Variants in FNDC1 observed in about 807,000 individuals in gnomAD.
FNDC1 encodes fibronectin type III domain containing 1, also known as fibronectin type III domain-containing protein 1.
Under a neutral mutation model 168.0 loss-of-function variants are expected in FNDC1, and 96 were observed. That is an observed-to-expected ratio of 0.57 (90% CI 0.48 to 0.68). The LOEUF is 0.68. Ranked by LOEUF, FNDC1 falls within the 30% of genes least tolerant of loss-of-function variation. FNDC1 has a pLI of 0.00. For missense variants in FNDC1, 2,587 were observed against 2,482.1 expected, an observed-to-expected ratio of 1.04 and a Z score of -0.90; for synonymous variants, 1,099 against 1,025.9, an observed-to-expected ratio of 1.07 and a Z score of -1.36.
rs1783348787 is a variant in FNDC1, at chr6:159,239,405, A to G, written c.4181-112A>G. On this transcript the variant is annotated intron_variant, in intron 13 of 22. Coordinates refer to ENST00000297267, the MANE Select transcript of FNDC1 (RefSeq NM_032532.3). ...ATATTCATTTATCCCTTTGCCTTTT[A>G]CTGATTAAAACATGATAATACATAA... 3 of 929,616 alleles carry G rather than the reference A, an allele frequency of 3.2e-6. No homozygotes were observed. In the Admixed American group the frequency reaches 8.7e-5, roughly 27 times the overall value. 57.6% of individuals were successfully genotyped at this position (929,616 alleles called of 1,614,324 possible). A position where few individuals can be genotyped will look rare whatever the true frequency, so the allele number is the denominator to read the frequency against.
chr6:159,232,362 C>A lies in FNDC1; in HGVS notation c.1850C>A (p.Ser617Ter). Residue 617 changes from serine to a stop codon, truncating the protein, a stop_gained, in exon 11 of 23, where the codon TCG (serine) becomes TAG (stop). Coordinates refer to ENST00000297267, the MANE Select transcript of FNDC1 (RefSeq NM_032532.3). LOFTEE classifies it high-confidence loss of function. The surrounding 1 kb of genome is among the most constrained non-coding windows in gnomAD (Gnocchi z 4.9). ...CGCCCAGGGGCGCCCCCCTCGGCTTCGGCCTCTCCTGCCCACCACGCGTCC... is the reference window on the plus strand; with the variant it reads ...CGCCCAGGGGCGCCCCCCTCGGCTTAGGCCTCTCCTGCCCACCACGCGTCC... The part of the protein sequence containing the change: ...QPRPGAPPSA[S>*]ASPAHHASTQ... The A allele has an allele frequency of 6.2e-7, 1 of 1,613,608 alleles. No homozygotes were observed.
At chr6:159,210,141 T>C (rs1191667128) in intron 4 of FNDC1, among the ~76,000 whole-genome samples, 1 of 152,230 alleles carries the variant, frequency 6.6e-6, no homozygotes, top group African/African-American at 2.4e-5. Context: ...GTCCTGGTGC[T>C]GCCCACCACA....
chr6:159,197,284 T>C, intron 1 of FNDC1, 147 bp from the exon 2 acceptor site: 2 of 734,928 alleles, frequency 2.7e-6, no homozygotes, highest in Non-Finnish European at 4.4e-6. Flanking sequence ...TGTAATGCTG[T>C]GCAAATACAT....
intron 1 of FNDC1, among the ~76,000 whole-genome samples, chr6:159,189,503 A>G (rs983931593): frequency 1.3e-5 from 2 of 152,188 alleles, no homozygotes; most frequent in Non-Finnish European, 2.9e-5. Context: ...TGGCTTCCTT[A>G]TAGAGATTGT....
chr6:159,177,999 T>C (rs1022072042), intron 1 of FNDC1, among the ~76,000 whole-genome samples: 4 of 152,296 alleles, frequency 2.6e-5, no homozygotes, highest in South Asian at 2.1e-4. Flanking sequence ...ATAAGAAGGA[T>C]GAATGTTGTC....
rs1204569572 is a variant in FNDC1 at position 159,215,143 on chromosome 6, AAAAG to A, written c.660_663del (p.Lys220AsnfsTer2). On this transcript the variant is annotated frameshift_variant, in exon 5 of 23. Transcript: ENST00000297267. LOFTEE classifies it high-confidence loss of function. ...AGAGATGAACGGACACACGAAATTAAAAAGCTAGGTGAGTTTCATATTCATTGGT... is the reference window on the plus strand; with the variant it reads ...AGAGATGAACGGACACACGAAATTAACTAGGTGAGTTTCATATTCATTGGT... 6.2e-7 allele frequency: 1 copy of A among 1,613,624 alleles called. No homozygotes were observed. Among genetic ancestry groups the A allele is most frequent in the Admixed American group, 1.7e-5 (1 of 60,024 alleles).
In FNDC1 at chr6:159,266,387, A is replaced by G. The variant is rs987520304; in HGVS notation, c.5446+142A>G. 11 of 854,808 alleles carry G rather than the reference A, an allele frequency of 1.3e-5. No homozygotes were observed. In the East Asian group the frequency reaches 2.2e-4, roughly 17 times the overall value. 53.0% of individuals were successfully genotyped at this position (854,808 alleles called of 1,614,324 possible). ...CTCACTCTGCCTCTAATACAAACCA[A>G]TTTTACAGATTCTACTTTGAGGATA... On this transcript the variant is annotated intron_variant, in intron 21 of 22. Coordinates refer to ENST00000297267, the MANE Select transcript of FNDC1 (RefSeq NM_032532.3).
chr6:159,211,423 A>G (rs559516725), intron 4 of FNDC1, among the ~76,000 whole-genome samples: 1 of 152,318 alleles, frequency 6.6e-6, no homozygotes, highest in South Asian at 2.1e-4. Flanking sequence ...AGGGATTTCG[A>G]GTGACTGATA....
intron 5 of FNDC1, among the ~76,000 whole-genome samples, chr6:159,218,039 TAG>T (rs141852564): frequency 0.015 from 2,249 of 152,256 alleles, 27 homozygotes; most frequent in Middle Eastern, 0.051. Flanking sequence ...AGCAGGGAAA[TAG>T]AGTCCCTGGT....
At chr6:159,197,828 C>T (rs796502568) in intron 2 of FNDC1, among the ~76,000 whole-genome samples, 1 of 152,342 alleles carries the variant, frequency 6.6e-6, no homozygotes, top group African/African-American at 2.4e-5. Flanking sequence ...CTTCCCCATC[C>T]GTGCATGTGA....
intron 20 of FNDC1, 79 bp downstream of exon 20, chr6:159,265,083 C>A: frequency 7.9e-7 from 1 of 1,270,966 alleles, no homozygotes; most frequent in Non-Finnish European, 1.1e-6. Context: ...TGATTACTCA[C>A]AATTAGAAAG....
intron 1 of FNDC1, among the ~76,000 whole-genome samples, chr6:159,175,584 T>C (rs1384085470): frequency 2.0e-5 from 3 of 152,230 alleles, no homozygotes; most frequent in Admixed American, 2.0e-4. Context: ...TACTGAAATG[T>C]GTTGAACTCC....
chr6:159,232,189 C>G lies in FNDC1; in HGVS notation c.1677C>G (p.Thr559=). Residue 559 remains threonine, a synonymous_variant, in exon 11 of 23, where the codon ACC becomes ACG. Coordinates refer to ENST00000297267, the MANE Select transcript of FNDC1 (RefSeq NM_032532.3). The surrounding 1 kb of genome is among the most constrained non-coding windows in gnomAD (Gnocchi z 4.9). ...REDSPMSPSD[T]QDQKRTLRPP... is the part of the protein sequence containing the mutation. ...ACTCGCCCATGTCACCCTCAGACACCCAAGACCAGAAACGGACCCTGAGGC... is the reference window on the plus strand; with the variant it reads ...ACTCGCCCATGTCACCCTCAGACACGCAAGACCAGAAACGGACCCTGAGGC... 6.2e-7 allele frequency: 1 copy of G among 1,613,746 alleles called. No homozygotes were observed. Among genetic ancestry groups the G allele is most frequent in the South Asian group, 1.1e-5 (1 of 91,028 alleles).
At chr6:159,269,254 TATC>T (rs1399014792) in intron 22 of FNDC1, among the ~76,000 whole-genome samples, 8,101 of 98,642 alleles carry the variant, frequency 0.082, 722 homozygotes, top group East Asian at 0.18. Flanking sequence ...TCTATCCATC[TATC>T]ATCTATCTAT....
chr6:159,197,282 T>C, intron 1 of FNDC1, 149 bp from the exon 2 acceptor site: 1 of 713,644 alleles, frequency 1.4e-6, no homozygotes. Context: ...ACTGTAATGC[T>C]GTGCAAATAC....
At chr6:159,259,385 G>A (rs1431989318) in intron 18 of FNDC1, among the ~76,000 whole-genome samples, 5 of 152,166 alleles carry the variant, frequency 3.3e-5, no homozygotes, top group African/African-American at 4.8e-5. Flanking sequence ...TGTCAACAGG[G>A]AAGGTGGATT....
In FNDC1 at chr6:159,192,865, T is replaced by A. The variant is rs1782168725; in HGVS notation, c.110-4566T>A. ...GGTCTCTAGAGGGAGGGAGGGGAGG[T>A]CTGGGGGTGTGATGTGATTCCTTGG... On this transcript the variant is annotated intron_variant, in intron 1 of 22. Transcript: ENST00000297267. 2.6e-5 allele frequency among the ~76,000 whole-genome samples: 4 copies of A among 151,444 alleles called. No individual in the cohort carries two copies. In the South Asian group the frequency reaches 8.4e-4, roughly 32 times the overall value.
intron 22 of FNDC1, 62 bp downstream of exon 22, chr6:159,267,988 G>T (rs561399894): frequency 6.5e-7 from 1 of 1,545,646 alleles, no homozygotes; most frequent in East Asian, 2.4e-5. Flanking sequence ...TTAATAGAGG[G>T]GGAAAATCCA....
intron 22 of FNDC1, among the ~76,000 whole-genome samples, chr6:159,270,651 G>T (rs1364061598): frequency 2.6e-5 from 4 of 152,146 alleles, no homozygotes; most frequent in Non-Finnish European, 5.9e-5. Context: ...ATTTTTAGAA[G>T]GTTGGAGCAT....
Sources: gnomAD v4.1 joint callset for allele counts (sites outside exome capture counted in the v4.1 genomes callset) on GRCh38, gnomAD v4.1.1 for gene constraint, Gnocchi (gnomAD v3.1) non-coding constraint, MANE v1.5 for transcripts, NCBI Gene and HGNC (gene_info 2026-07-23, HGNC 2026-07-21) for gene names.